The following SASH1 variants were observed in gnomAD, a reference collection of about 807,000 sequenced individuals.
SASH1 encodes SAM and SH3 domain-containing protein 1.
In SASH1, 44 loss-of-function variants were observed where a neutral mutation model predicts 125.2. The observed-to-expected ratio is 0.35, with a 90% CI of 0.28 to 0.45. SASH1 has a LOEUF of 0.45. Among genes scored for constraint, SASH1 ranks in the 20% least tolerant of loss-of-function variants. The pLI, the probability that SASH1 is intolerant of heterozygous loss-of-function variation, is 1.00. For synonymous variants in SASH1, 639 were observed against 649.1 expected, an observed-to-expected ratio of 0.98 and a Z score of 0.24; for missense variants, 1,426 against 1,614.5, an observed-to-expected ratio of 0.88 and a Z score of 2.00.
At chr6:148,294,174 A>G (rs1779705276) in intron 1 of SASH1, among the ~76,000 whole-genome samples, 1 of 152,220 alleles carries the variant, frequency 6.6e-6, no homozygotes, top group African/African-American at 2.4e-5. Context: ...ATTTTGCACA[A>G]AAAAATTCGG....
intron 1 of SASH1, among the ~76,000 whole-genome samples, chr6:148,377,888 A>G (rs908042328): frequency 1.3e-5 from 2 of 152,118 alleles, no homozygotes; most frequent in African/African-American, 4.8e-5. Flanking sequence ...ATTTAATCCT[A>G]TTACAGCCTG....
chr6:148,548,200 T>C (rs1336288100), intron 19 of SASH1, 95 bp from the exon 20 acceptor site: 8 of 1,105,374 alleles, frequency 7.2e-6, no homozygotes, highest in South Asian at 6.3e-5. Flanking sequence ...AGTCTAGCAA[T>C]GCAGTATTTC....
rs56342457 is a variant in SASH1 at position 148,411,166 on chromosome 6, C to CAAAAAAAAAAAAAA, written c.285+20921_285+20934dup. Among the ~76,000 whole-genome samples the CAAAAAAAAAAAAAA allele has an allele frequency of 5.2e-4, 24 of 46,184 alleles. 2 individuals are homozygous for CAAAAAAAAAAAAAA. The highest frequency in any genetic ancestry group is 7.6e-4 in the Non-Finnish European group (20 of 26,406). The allele number at this position is 46,184 out of a possible 152,430, so 30.3% of individuals were successfully genotyped here. On this transcript the variant is annotated intron_variant, in intron 2 of 19. Coordinates refer to ENST00000367467, the MANE Select transcript of SASH1 (RefSeq NM_015278.5). ...TACAACAAGAGCGAAACTCCATCTC[C>CAAAAAAAAAAAAAA]AAAAAAAAAAAAAAAAAAAAAAAAA...
intron 9 of SASH1, among the ~76,000 whole-genome samples, chr6:148,515,761 G>A (rs1780401422): frequency 6.6e-6 from 1 of 152,202 alleles, no homozygotes; most frequent in Non-Finnish European, 1.5e-5. Flanking sequence ...ATCACAGACA[G>A]GGTCAGTTGG....
intron 1 of SASH1, among the ~76,000 whole-genome samples, chr6:148,368,770 G>GCACGCGCACACACACACACA (rs1554245333): frequency 7.4e-6 from 1 of 135,644 alleles, no homozygotes; most frequent in Non-Finnish European, 1.6e-5. Flanking sequence ...GCACGCGCGC[G>GCACGCGCACACACACACACA]CACACACACA....
intron 1 of SASH1, among the ~76,000 whole-genome samples, chr6:148,287,695 G>GTC: frequency 6.8e-6 from 1 of 147,178 alleles, no homozygotes; most frequent in African/African-American, 2.5e-5. Flanking sequence ...GCGTGTGTGT[G>GTC]GGGGGGTGGG....
intron 8 of SASH1, among the ~76,000 whole-genome samples, chr6:148,498,951 A>G (rs753760898): frequency 2.6e-5 from 4 of 152,092 alleles, no homozygotes; most frequent in African/African-American, 7.2e-5. Flanking sequence ...ACTGCGGGCC[A>G]TCTCCAACCT....
the SASH1 span, among the ~76,000 whole-genome samples, chr6:148,205,237 C>A: frequency 6.6e-6 from 1 of 152,140 alleles, no homozygotes; most frequent in Non-Finnish European, 1.5e-5. Flanking sequence ...GCATACCTGG[C>A]CTTTAACCAC....
chr6:148,404,771 C>T (rs905438533), intron 2 of SASH1, among the ~76,000 whole-genome samples: 2 of 129,296 alleles, frequency 1.5e-5, no homozygotes, highest in African/African-American at 3.0e-5. Flanking sequence ...ACCCCAGCCT[C>T]GCCCTCATCC....
intron 1 of SASH1, among the ~76,000 whole-genome samples, chr6:148,308,607 G>A (rs1165902322): frequency 3.3e-5 from 5 of 151,260 alleles, no homozygotes; most frequent in Non-Finnish European, 1.5e-5. Flanking sequence ...CGTTGGTGAG[G>A]CTGGTCTCGA....
intron 1 of SASH1, among the ~76,000 whole-genome samples, chr6:148,368,981 T>C (rs1782600659): frequency 6.6e-6 from 1 of 152,244 alleles, no homozygotes; most frequent in Non-Finnish European, 1.5e-5. Flanking sequence ...CTCTGGAAGA[T>C]ACGGATCCAT....
At chr6:148,386,950 A>G (rs1334799976) in intron 1 of SASH1, among the ~76,000 whole-genome samples, 2 of 152,078 alleles carry the variant, frequency 1.3e-5, no homozygotes, top group Non-Finnish European at 2.9e-5. Flanking sequence ...AGGTGAATCA[A>G]GGAGGATGCC....
In SASH1 at chr6:148,410,507, A is replaced by G. The variant is rs186750181; in HGVS notation, c.285+20245A>G. On this transcript the variant is annotated intron_variant, in intron 2 of 19. Coordinates refer to ENST00000367467, the MANE Select transcript of SASH1 (RefSeq NM_015278.5). ...GATACATTTAATGGTTGCATATTCA[A>G]ATCTCAAAAGAGATTACTAGTAATC... Among the ~76,000 whole-genome samples, 60 of 152,314 alleles carry G rather than the reference A, an allele frequency of 3.9e-4. 1 individual carries two copies. In the East Asian group the frequency reaches 0.011, roughly 28 times the overall value.
intron 4 of SASH1, among the ~76,000 whole-genome samples, chr6:148,450,281 C>A (rs1777031882): frequency 6.6e-6 from 1 of 152,180 alleles, no homozygotes; most frequent in South Asian, 2.1e-4. Flanking sequence ...TAGGACCTGT[C>A]TAGGTTTTCA....
At chr6:148,346,731 C>T (rs1189487222) in intron 1 of SASH1, among the ~76,000 whole-genome samples, 2 of 152,222 alleles carry the variant, frequency 1.3e-5, no homozygotes, top group African/African-American at 2.4e-5. Context: ...ATACATTCTG[C>T]TCTGGCTGAA....
chr6:148,393,602 G>A (rs1232774507), intron 2 of SASH1: 1 of 670,240 alleles, frequency 1.5e-6, no homozygotes, highest in African/African-American at 2.0e-5. Context: ...GCCCATCGGT[G>A]GGATTTAGAT....
intron 1 of SASH1, among the ~76,000 whole-genome samples, chr6:148,309,581 C>A (rs1027987172): frequency 1.3e-5 from 2 of 149,564 alleles, no homozygotes; most frequent in African/African-American, 4.9e-5. Flanking sequence ...CTGGCTTGTA[C>A]AACAGGCAGG....
intron 1 of SASH1, among the ~76,000 whole-genome samples, chr6:148,326,367 TATATATACA>T (rs1562326289): frequency 4.3e-4 from 38 of 87,698 alleles, no homozygotes; most frequent in African/African-American, 9.8e-4. Context: ...TGCATATATA[TATATATACA>T]TTCTTTTCTT....
intron 6 of SASH1, among the ~76,000 whole-genome samples, chr6:148,472,869 G>A (rs1292270384): frequency 1.3e-5 from 2 of 152,170 alleles, no homozygotes; most frequent in Non-Finnish European, 2.9e-5. Context: ...GCATCCTAAC[G>A]ATATTGGAAG....
Sources: gnomAD v4.1 joint callset for allele counts (sites outside exome capture counted in the v4.1 genomes callset) on GRCh38, gnomAD v4.1.1 for gene constraint, MANE v1.5 for transcripts, NCBI Gene and HGNC (gene_info 2026-07-23, HGNC 2026-07-21) for gene names.